Variants in EYS observed in about 807,000 individuals in gnomAD.
EYS encodes the protein EGF-like photoreceptor maintenance factor, also known as protein eyes shut homolog.
EYS carries 250 observed loss-of-function variants against 282.1 expected under a neutral mutation model. The ratio of observed to expected loss-of-function variants is 0.89; its 90% CI spans 0.80 to 0.98. The LOEUF (loss-of-function observed/expected upper bound fraction) is 0.98, where lower values mean the gene tolerates loss of function less well. Among genes scored for constraint, EYS ranks in the 50% least tolerant of loss-of-function variants. The pLI is 0.00. For synonymous variants in EYS, 1,355 were observed against 1,282.9 expected (o/e 1.06, Z -1.20); for missense variants, 4,016 against 3,709.0 (o/e 1.08, Z -2.15).
intron 5 of EYS, among the ~76,000 whole-genome samples, chr6:65,407,677 C>T (rs903861485): frequency 6.6e-6 from 1 of 151,636 alleles, no homozygotes; most frequent in Non-Finnish European, 1.5e-5. Flanking sequence ...TTAGGATTTT[C>T]TACATATTAG....
At chr6:64,876,412 C>T (rs1335363147) in intron 19 of EYS, among the ~76,000 whole-genome samples, 1 of 151,948 alleles carries the variant, frequency 6.6e-6, no homozygotes, top group Non-Finnish European at 1.5e-5. Flanking sequence ...TGTTAACATT[C>T]AAAAAGTTTA....
chr6:64,327,185 T>C (rs1042599498), intron 29 of EYS, among the ~76,000 whole-genome samples: 13 of 152,160 alleles, frequency 8.5e-5, no homozygotes, highest in African/African-American at 3.1e-4. Context: ...TAGGACACTG[T>C]ATACAGCCCA....
chr6:64,305,252 GA>G (rs1290661067), intron 30 of EYS, among the ~76,000 whole-genome samples: 1 of 152,000 alleles, frequency 6.6e-6, no homozygotes, highest in Non-Finnish European at 1.5e-5. Context: ...AAACATTGCT[GA>G]AAGAAATAGA....
Position 65,470,354 on chromosome 6 carries a change from A to T in EYS, c.862+20240T>A, listed in dbSNP as rs73741593. Reference sequence around the variant, plus strand: ...ATTAAATGTAAATAATGCATAAAATACAATGAACACATTGCCCAACATGTA... The same window carrying T: ...ATTAAATGTAAATAATGCATAAAATTCAATGAACACATTGCCCAACATGTA... On this transcript the variant is annotated intron_variant, in intron 5 of 42. Coordinates refer to ENST00000503581, the MANE Select transcript of EYS (RefSeq NM_001142800.2). Among the ~76,000 whole-genome samples, 860 of 152,294 alleles carry T rather than the reference A, an allele frequency of 5.6e-3. 11 individuals carry two copies. The highest frequency in any genetic ancestry group is 0.02 in the African/African-American group (817 of 41,594).
At chr6:64,661,751 A>G (rs13203585) in intron 22 of EYS, among the ~76,000 whole-genome samples, 74,555 of 123,762 alleles carry the variant, frequency 0.6, 23,029 homozygotes, top group African/African-American at 0.67. Context: ...TGGAGAGGAT[A>G]TGGAGAAATA....
At chr6:64,346,918 G>A (rs593493) in intron 29 of EYS, among the ~76,000 whole-genome samples, 2 of 151,140 alleles carry the variant, frequency 1.3e-5, no homozygotes, top group South Asian at 4.2e-4. Flanking sequence ...TCTTGATGTA[G>A]TTTATTATAA....
chr6:64,987,143 A>T (rs527498708), intron 14 of EYS, among the ~76,000 whole-genome samples: 10 of 151,600 alleles, frequency 6.6e-5, no homozygotes, highest in African/African-American at 2.4e-4. Flanking sequence ...TTCTGGCGAC[A>T]AGCAGCTTTT....
intron 12 of EYS, among the ~76,000 whole-genome samples, chr6:65,100,501 A>G (rs1381873412): frequency 6.7e-6 from 1 of 149,568 alleles, no homozygotes; most frequent in Admixed American, 6.7e-5. Context: ...AAATAATATG[A>G]TTTCAATGAT....
chr6:64,799,815 T>A (rs1297272699), intron 22 of EYS, among the ~76,000 whole-genome samples: 3 of 151,820 alleles, frequency 2.0e-5, no homozygotes, highest in Non-Finnish European at 4.4e-5. Flanking sequence ...TCTACATAAA[T>A]AAAGTAGAAT....
intron 15 of EYS, among the ~76,000 whole-genome samples, chr6:64,925,231 T>C: frequency 6.6e-6 from 1 of 152,152 alleles, no homozygotes; most frequent in East Asian, 1.9e-4. Context: ...TCAGATCTCA[T>C]GAGACTTAAT....
chr6:65,517,294 T>A (rs1481513568), intron 2 of EYS, among the ~76,000 whole-genome samples: 3 of 151,558 alleles, frequency 2.0e-5, no homozygotes, highest in Non-Finnish European at 4.4e-5. Context: ...TAAAAATAAT[T>A]GTCTGTAACA....
chr6:64,119,855 G>A (rs1374728409), intron 31 of EYS, among the ~76,000 whole-genome samples: 1 of 152,058 alleles, frequency 6.6e-6, no homozygotes, highest in African/African-American at 2.4e-5. Flanking sequence ...TATTTTCCAT[G>A]GCATTTTCTT....
chr6:64,327,158 G>A (rs564872160), intron 29 of EYS, among the ~76,000 whole-genome samples: 1 of 152,234 alleles, frequency 6.6e-6, no homozygotes, highest in Admixed American at 6.5e-5. Context: ...TGAGGTGAAT[G>A]TGGGAAAAAC....
intron 2 of EYS, among the ~76,000 whole-genome samples, chr6:65,627,854 G>T (rs556312845): frequency 3.1e-4 from 47 of 152,330 alleles, no homozygotes; most frequent in African/African-American, 1.0e-3. Context: ...GTGCGCCCGA[G>T]CCTCCCCAGC....
At chr6:64,545,970 C>T (rs1406819143) in intron 26 of EYS, among the ~76,000 whole-genome samples, 8 of 152,146 alleles carry the variant, frequency 5.3e-5, no homozygotes, top group Admixed American at 2.0e-4. Context: ...AGATTCAATG[C>T]CATCCCCATC....
At chr6:64,703,429 A>ATATTT (rs869208549) in intron 22 of EYS, among the ~76,000 whole-genome samples, 2 of 23,348 alleles carry the variant, frequency 8.6e-5, no homozygotes, top group Non-Finnish European at 1.1e-4. Flanking sequence ...ATATATATAT[A>ATATTT]TTTTTTTTTT....
At chr6:64,740,715 CTTT>C (rs5876919) in intron 22 of EYS, among the ~76,000 whole-genome samples, 24 of 127,868 alleles carry the variant, frequency 1.9e-4, no homozygotes, top group African/African-American at 4.4e-4. Context: ...AATATGTCCA[CTTT>C]TTTTTTTTTT....
At chr6:65,250,036 A>G (rs1486837818) in intron 12 of EYS, among the ~76,000 whole-genome samples, 1 of 152,088 alleles carries the variant, frequency 6.6e-6, no homozygotes, top group Non-Finnish European at 1.5e-5. Context: ...GAAGAGGTCA[A>G]GTTTCAGAGA....
At chr6:64,882,340 T>C (rs553738428) in intron 19 of EYS, among the ~76,000 whole-genome samples, 5 of 151,892 alleles carry the variant, frequency 3.3e-5, no homozygotes, top group African/African-American at 1.2e-4. Context: ...ATTTTACCCA[T>C]ACATTATATG....
Sources: allele counts gnomAD v4.1 joint callset (sites outside exome capture counted in the v4.1 genomes callset), GRCh38; gene constraint gnomAD v4.1.1; transcripts MANE v1.5; gene names NCBI Gene and HGNC (gene_info 2026-07-23, HGNC 2026-07-21).